TMTC2: variants seen among roughly 807,000 people sequenced by gnomAD.
The protein encoded by TMTC2 is transmembrane O-mannosyltransferase targeting cadherins 2, also known as protein O-mannosyl-transferase TMTC2.
Under a neutral mutation model 82.4 loss-of-function variants are expected in TMTC2, and 43 were observed. The ratio of observed to expected loss-of-function variants is 0.52; its 90% CI spans 0.41 to 0.67. TMTC2 has a LOEUF of 0.67. Ranked by LOEUF, TMTC2 falls within the 30% of genes least tolerant of loss-of-function variation. TMTC2 has a pLI of 0.00. For synonymous variants in TMTC2, 408 were observed against 381.9 expected, an observed-to-expected ratio of 1.07 and a Z score of -0.80; for missense variants, 919 against 1,012.4, an observed-to-expected ratio of 0.91 and a Z score of 1.25.
intron 3 of TMTC2, among the ~76,000 whole-genome samples, chr12:82,929,335 G>T (rs1248117765): frequency 3.9e-5 from 6 of 152,030 alleles, no homozygotes; most frequent in Non-Finnish European, 2.9e-5. Flanking sequence ...GCTAGTACAG[G>T]TGCAAGCCAT....
intron 11 of TMTC2, among the ~76,000 whole-genome samples, chr12:83,105,031 A>G (rs916823185): frequency 6.6e-6 from 1 of 152,140 alleles, no homozygotes; most frequent in African/African-American, 2.4e-5. Context: ...CTGAAGTTCA[A>G]ATTTCACAGA....
At position 83,132,345 on chromosome 12, in the gene TMTC2, T is replaced by C; in HGVS notation, c.2467T>C (p.Trp823Arg). 3 of 1,613,940 alleles carry C rather than the reference T, an allele frequency of 1.9e-6. No individual in the cohort carries two copies. The highest frequency in any genetic ancestry group is 2.5e-6 in the Non-Finnish European group (3 of 1,179,956). Residue 823 changes from tryptophan to arginine, a missense_variant, in exon 12 of 12, where the codon TGG (tryptophan) becomes CGG (arginine). By Grantham distance (101) the Trp-to-Arg change is moderately radical. Transcript: ENST00000321196. ...CACACAGTCCAATCTCCGCAAACTG[T>C]GGAACATCATGGAAAAACAAGGCTT... The part of the protein sequence containing the change: ...VITQSNLRKL[W>R]NIMEKQGLKT...
At chr12:82,845,794 A>G (rs1221952271) in intron 1 of TMTC2, among the ~76,000 whole-genome samples, 1 of 152,104 alleles carries the variant, frequency 6.6e-6, no homozygotes, top group African/African-American at 2.4e-5. Flanking sequence ...TCATATTTTC[A>G]TGTTGTATTA....
intron 11 of TMTC2, among the ~76,000 whole-genome samples, chr12:83,118,819 A>G (rs1436155002): frequency 6.6e-6 from 1 of 152,002 alleles, no homozygotes; most frequent in Non-Finnish European, 1.5e-5. Context: ...ATTAATTATA[A>G]TTTCAATCTC....
At chr12:82,844,875 A>T (rs1870551281) in intron 1 of TMTC2, among the ~76,000 whole-genome samples, 1 of 151,916 alleles carries the variant, frequency 6.6e-6, no homozygotes, top group African/African-American at 2.4e-5. Context: ...TAAAAAAAGT[A>T]TAATCTCGTA....
chr12:82,820,653 G>A (rs572124865), intron 1 of TMTC2, among the ~76,000 whole-genome samples: 8 of 152,212 alleles, frequency 5.3e-5, no homozygotes, highest in African/African-American at 1.9e-4. Context: ...GGGATTACAG[G>A]CGTGAGCCAT....
At chr12:83,045,785 A>G (rs1175367759) in intron 9 of TMTC2, among the ~76,000 whole-genome samples, 3 of 143,716 alleles carry the variant, frequency 2.1e-5, no homozygotes, top group Non-Finnish European at 4.5e-5. Context: ...GGAGATGATC[A>G]GGCAGTTTTT....
At chr12:82,995,081 CAT>C (rs1879555180) in intron 8 of TMTC2, among the ~76,000 whole-genome samples, 1 of 152,114 alleles carries the variant, frequency 6.6e-6, no homozygotes, top group South Asian at 2.1e-4. Context: ...AACATTTTCA[CAT>C]GAGTTAAACT....
At chr12:82,828,203 T>A (rs1217871634) in intron 1 of TMTC2, among the ~76,000 whole-genome samples, 1 of 150,588 alleles carries the variant, frequency 6.6e-6, no homozygotes, top group Non-Finnish European at 1.5e-5. Context: ...CTTTTGCTTT[T>A]TCTTTGGCTT....
At chr12:82,824,080 G>C (rs1565766637) in intron 1 of TMTC2, among the ~76,000 whole-genome samples, 1 of 152,066 alleles carries the variant, frequency 6.6e-6, no homozygotes, top group Non-Finnish European at 1.5e-5. Context: ...TTTTAATAGA[G>C]ACGGGGTTTC....
chr12:82,879,909 C>T (rs1026335015), intron 2 of TMTC2, among the ~76,000 whole-genome samples: 2 of 152,196 alleles, frequency 1.3e-5, no homozygotes, highest in Admixed American at 1.3e-4. Context: ...GTTTTCTGGG[C>T]ACTGCTGTCC....
intron 1 of TMTC2, among the ~76,000 whole-genome samples, chr12:82,753,636 A>G (rs551697507): frequency 6.6e-6 from 1 of 152,332 alleles, no homozygotes; most frequent in Non-Finnish European, 1.5e-5. Context: ...GACTTTTTTC[A>G]AAGAAGATAT....
chr12:82,937,748 GTGTATATA>G (rs1363266001), intron 4 of TMTC2, among the ~76,000 whole-genome samples: 6 of 92,370 alleles, frequency 6.5e-5, no homozygotes, highest in African/African-American at 1.5e-4. Context: ...GTGTGTGTGT[GTGTATATA>G]TATATATATA....
intron 1 of TMTC2, among the ~76,000 whole-genome samples, chr12:82,699,509 T>C (rs1872970726): frequency 6.6e-6 from 1 of 152,154 alleles, no homozygotes; most frequent in Admixed American, 6.5e-5. Flanking sequence ...CGACCCTTTT[T>C]CTTTTTGGAA....
chr12:82,808,859 T>C (rs1879361301), intron 1 of TMTC2, among the ~76,000 whole-genome samples: 3 of 151,884 alleles, frequency 2.0e-5, no homozygotes, highest in Admixed American at 2.0e-4. Context: ...GCCTTTTGTT[T>C]AAAGTATAAA....
At position 83,078,257 on chromosome 12, in the gene TMTC2, A is replaced by G. The variant is rs114319955; in HGVS notation, c.2331+16426A>G. On this transcript the variant is annotated intron_variant, in intron 11 of 11. Transcript: ENST00000321196. ...TCAAGGATGAGGCCTAGTCCTCTGT[A>G]TAAAGGCTTAGAGGAGGCTGTCTAA... is the stretch of plus-strand genomic sequence containing the variant. Among the ~76,000 whole-genome samples the G allele has an allele frequency of 8.4e-3, 1,285 of 152,292 alleles. 21 individuals are homozygous for G. The highest frequency in any genetic ancestry group is 0.029 in the African/African-American group (1,208 of 41,564).
chr12:82,739,091 T>C (rs879473868), intron 1 of TMTC2, among the ~76,000 whole-genome samples: 1 of 148,178 alleles, frequency 6.7e-6, no homozygotes, highest in African/African-American at 2.5e-5. Flanking sequence ...GAGGTTGCAG[T>C]GAGGTGAGAT....
chr12:82,804,248 G>T (rs921535400), intron 1 of TMTC2, among the ~76,000 whole-genome samples: 2 of 152,074 alleles, frequency 1.3e-5, no homozygotes, highest in Admixed American at 1.3e-4. Flanking sequence ...GATTAAGGAG[G>T]TTGGTCACCT....
intron 1 of TMTC2, among the ~76,000 whole-genome samples, chr12:82,802,964 T>G (rs986551817): frequency 6.6e-6 from 1 of 152,064 alleles, no homozygotes; most frequent in African/African-American, 2.4e-5. Flanking sequence ...TTAATGAAAG[T>G]CGGAATGTAG....
Sources: allele counts gnomAD v4.1 joint callset (sites outside exome capture counted in the v4.1 genomes callset), GRCh38; gene constraint gnomAD v4.1.1; transcripts MANE v1.5; gene names NCBI Gene and HGNC (gene_info 2026-07-23, HGNC 2026-07-21).